Variants in ROBO2 observed in about 807,000 individuals in gnomAD.
ROBO2 encodes the protein roundabout homolog 2.
Under a neutral mutation model 160.8 loss-of-function variants are expected in ROBO2, and 53 were observed. That is an observed-to-expected ratio of 0.33 (90% CI 0.26 to 0.41). The LOEUF is 0.41. Among genes scored for constraint, ROBO2 ranks in the 10% least tolerant of loss-of-function variants. The pLI, the probability that ROBO2 is intolerant of heterozygous loss-of-function variation, is 1.00. For synonymous variants in ROBO2, 664 were observed against 611.7 expected, an observed-to-expected ratio of 1.09 and a Z score of -1.26; for missense variants, 1,577 against 1,722.4, an observed-to-expected ratio of 0.92 and a Z score of 1.49.
At chr3:77,041,125 T>C (rs2064049235) in intron 1 of ROBO2, among the ~76,000 whole-genome samples, 1 of 152,226 alleles carries the variant, frequency 6.6e-6, no homozygotes, top group Non-Finnish European at 1.5e-5. Context: ...GCTCCCAGTT[T>C]TGTTAGAAAA....
chr3:76,638,405 TACTC>T (rs1468308481), intron 2 of ROBO2, among the ~76,000 whole-genome samples: 2 of 152,170 alleles, frequency 1.3e-5, no homozygotes, highest in African/African-American at 4.8e-5. Flanking sequence ...AGTAATATAT[TACTC>T]ACAATTCCTG....
At chr3:76,149,534 C>A (rs2072063528) in intron 2 of ROBO2, among the ~76,000 whole-genome samples, 1 of 147,340 alleles carries the variant, frequency 6.8e-6, no homozygotes. Flanking sequence ...ACACATCTGT[C>A]TAAAGCACAC....
chr3:77,029,644 T>C (rs2063189289), intron 2 of ROBO2, among the ~76,000 whole-genome samples: 2 of 152,206 alleles, frequency 1.3e-5, no homozygotes, highest in African/African-American at 4.8e-5. Context: ...ATAGAGACTA[T>C]AGTTATTTAA....
chr3:76,048,166 C>T (rs577207949), intron 2 of ROBO2, among the ~76,000 whole-genome samples: 22 of 152,074 alleles, frequency 1.4e-4, no homozygotes, highest in Admixed American at 1.2e-3. Context: ...TTTGCATTCC[C>T]GTAGGTGGGC....
intron 2 of ROBO2, among the ~76,000 whole-genome samples, chr3:77,204,385 T>C (rs1214904137): frequency 1.3e-5 from 2 of 152,344 alleles, no homozygotes; most frequent in East Asian, 1.9e-4. Flanking sequence ...AAATAAATTA[T>C]ATTTGATGCT....
In ROBO2 at chr3:77,321,304, C is replaced by T. The variant is rs542155975; in HGVS notation, c.389-156110C>T. Among the ~76,000 whole-genome samples the T allele has an allele frequency of 1.2e-4, 19 of 152,058 alleles. No homozygotes were observed. In the South Asian group the frequency reaches 3.9e-3, roughly 32 times the overall value. On this transcript the variant is annotated intron_variant, in intron 2 of 25. Transcript: ENST00000461745. ...GGTCAAGGTGGGAGGATTACTTGAGCCTGGGAGTTCAAGATCCGCCTGGGC... is the reference window on the plus strand; with the variant it reads ...GGTCAAGGTGGGAGGATTACTTGAGTCTGGGAGTTCAAGATCCGCCTGGGC...
At chr3:76,224,326 A>T (rs918413711) in intron 2 of ROBO2, among the ~76,000 whole-genome samples, 4 of 152,198 alleles carry the variant, frequency 2.6e-5, no homozygotes, top group African/African-American at 9.7e-5. Context: ...CCTACTTAAA[A>T]GCTAAAGGCC....
chr3:76,689,615 C>T (rs890122282), intron 2 of ROBO2, among the ~76,000 whole-genome samples: 4 of 152,054 alleles, frequency 2.6e-5, no homozygotes, highest in African/African-American at 7.2e-5. Context: ...GTAGGAAACC[C>T]AACTTGACTA....
intron 2 of ROBO2, among the ~76,000 whole-genome samples, chr3:77,200,267 TTA>T (rs144644165): frequency 0.01 from 478 of 46,136 alleles, 1 homozygote; most frequent in Middle Eastern, 0.021. Flanking sequence ...CTAACATATT[TTA>T]TATATATATA....
At chr3:76,066,652 T>A (rs2324470) in intron 2 of ROBO2, among the ~76,000 whole-genome samples, 97,149 of 151,626 alleles carry the variant, frequency 0.64, 31,741 homozygotes, top group Middle Eastern at 0.77. Context: ...TATATGTGAA[T>A]AAACAGGCTC....
chr3:76,926,831 A>T (rs1005505320), intron 2 of ROBO2, among the ~76,000 whole-genome samples: 1 of 152,146 alleles, frequency 6.6e-6, no homozygotes, highest in Non-Finnish European at 1.5e-5. Context: ...TAGCTCGCAG[A>T]ATCTAGCTCA....
chr3:77,169,670 C>T (rs2079436390), intron 2 of ROBO2, among the ~76,000 whole-genome samples: 1 of 152,174 alleles, frequency 6.6e-6, no homozygotes, highest in South Asian at 2.1e-4. Flanking sequence ...AGCAGTTAAA[C>T]CAGAAACCTG....
At chr3:76,818,577 G>A (rs2065879124) in intron 2 of ROBO2, among the ~76,000 whole-genome samples, 1 of 151,904 alleles carries the variant, frequency 6.6e-6, no homozygotes, top group Non-Finnish European at 1.5e-5. Flanking sequence ...GCCTAAGCCA[G>A]TATTTAAAAG....
chr3:77,252,831 A>ATATATATATAT (rs1553872375), intron 2 of ROBO2, among the ~76,000 whole-genome samples: 2 of 12,518 alleles, frequency 1.6e-4, no homozygotes, highest in African/African-American at 3.2e-4. Flanking sequence ...AAAAAAAAAA[A>ATATATATATAT]ATATATATAT....
chr3:76,476,824 T>C (rs868791941), intron 2 of ROBO2, among the ~76,000 whole-genome samples: 55 of 142,734 alleles, frequency 3.9e-4, no homozygotes, highest in African/African-American at 1.3e-3. Context: ...ACCTAATTTA[T>C]ATTCTTGGGA....
At chr3:77,611,459 T>C (rs1663644656) in intron 21 of ROBO2, among the ~76,000 whole-genome samples, 1 of 152,036 alleles carries the variant, frequency 6.6e-6, no homozygotes, top group African/African-American at 2.4e-5. Context: ...GCATGGAATA[T>C]TGCAGCAGAA....
intron 2 of ROBO2, chr3:75,964,852 C>A (rs776066550): frequency 1.3e-5 from 2 of 151,644 alleles, no homozygotes; most frequent in Non-Finnish European, 3.0e-5. Context: ...TTATATTTTG[C>A]CACCATTTAT....
In ROBO2 at chr3:77,595,132, T is replaced by C; in HGVS notation, c.2684-10T>C. The C allele has an allele frequency of 1.9e-6, 3 of 1,609,058 alleles. No individual in the cohort carries two copies. The highest frequency in any genetic ancestry group is 2.6e-6 in the Non-Finnish European group (3 of 1,175,680). The stretch of plus-strand genomic sequence containing the variant: ...TGTGTGCATGTCTTCCTTTTTTTCT[T>C]TTTTCATAGTTACGTTTCAAAGAGG... On this transcript the variant is annotated splice_polypyrimidine_tract_variant and intron_variant, in intron 17 of 25. Transcript: ENST00000461745.
At chr3:77,510,642 T>C (rs760365202) in intron 5 of ROBO2, among the ~76,000 whole-genome samples, 4 of 152,108 alleles carry the variant, frequency 2.6e-5, no homozygotes, top group African/African-American at 7.2e-5. Flanking sequence ...TAAGTTCTTA[T>C]AACAGCCCTG....
Sources: gnomAD v4.1 joint callset for allele counts (sites outside exome capture counted in the v4.1 genomes callset) on GRCh38, gnomAD v4.1.1 for gene constraint, MANE v1.5 for transcripts, NCBI Gene and HGNC (gene_info 2026-07-23, HGNC 2026-07-21) for gene names.